DDX50: variants seen among roughly 807,000 people sequenced by gnomAD.
The protein encoded by DDX50 is ATP-dependent RNA helicase DDX50.
Under a neutral mutation model 94.8 loss-of-function variants are expected in DDX50, and 56 were observed. The observed-to-expected ratio is 0.59, with a 90% CI of 0.48 to 0.74. The LOEUF (loss-of-function observed/expected upper bound fraction) is 0.74, where lower values mean the gene tolerates loss of function less well. Ranked by LOEUF, DDX50 falls within the 30% of genes least tolerant of loss-of-function variation. DDX50 has a pLI of 0.00. For synonymous variants in DDX50, 264 were observed against 295.4 expected, an observed-to-expected ratio of 0.89 and a Z score of 1.09; for missense variants, 713 against 881.2, an observed-to-expected ratio of 0.81 and a Z score of 2.42.
intron 8 of DDX50, among the ~76,000 whole-genome samples, chr10:68,933,845 G>A (rs1161793133): frequency 6.6e-6 from 1 of 151,652 alleles, no homozygotes; most frequent in Non-Finnish European, 1.5e-5. Context: ...TGAGGTAGGA[G>A]AATCGCTTGA....
At chr10:68,943,031 C>T (rs771125839) in intron 13 of DDX50, among the ~76,000 whole-genome samples, 182 bp from the exon 14 acceptor site, 30 of 152,142 alleles carry the variant, frequency 2.0e-4, no homozygotes, top group Non-Finnish European at 3.4e-4. Context: ...TACACAAACT[C>T]TTCTAGAGAA....
intron 1 of DDX50, among the ~76,000 whole-genome samples, chr10:68,905,351 TAAAAA>T (rs71031803): frequency 7.1e-6 from 1 of 140,236 alleles, no homozygotes; most frequent in Non-Finnish European, 1.6e-5. Flanking sequence ...ATTTAAAACG[TAAAAA>T]AAAAAAAAAA....
intron 8 of DDX50, among the ~76,000 whole-genome samples, chr10:68,925,866 T>C (rs910638354): frequency 4.0e-5 from 6 of 151,302 alleles, no homozygotes; most frequent in African/African-American, 1.5e-4. Context: ...TACAAAAAAT[T>C]AGCCAGGTGT....
rs1206973845 is a variant in DDX50, at chr10:68,911,122, A to G, written c.515A>G (p.Tyr172Cys). ...CAAGTTAAGACCTTTGGTCCTGTAT[A>G]TGAAGGAAAAGATTTAATAGCTCAA... Reference protein sequence around the residue: ...PIQVKTFGPVYEGKDLIAQAR... With the variant: ...PIQVKTFGPVCEGKDLIAQAR... The change falls in exon 4 of 15, where the codon TAT (tyrosine) becomes TGT (cysteine). Residue 172 changes from tyrosine to cysteine, a missense_variant. Physicochemically the swap from Tyr to Cys is radical, Grantham distance 194 (BLOSUM62 -2). This residue lies in a region of DDX50 where 285 missense variants were observed against 278.9 expected (regional missense o/e 1.02). Coordinates refer to ENST00000373585, the MANE Select transcript of DDX50 (RefSeq NM_024045.2). The G allele has an allele frequency of 3.1e-6, 5 of 1,610,882 alleles. No individual in the cohort carries two copies. The highest frequency in any genetic ancestry group is 3.4e-6 in the Non-Finnish European group (4 of 1,178,726).
chr10:68,918,447 T>A, intron 7 of DDX50, among the ~76,000 whole-genome samples: 1 of 143,824 alleles, frequency 7.0e-6, no homozygotes, highest in African/African-American at 2.6e-5. Context: ...TTTTTTTTTT[T>A]TTTTTTGAGA....
rs1259489462 is a variant in DDX50 at position 68,910,394 on chromosome 10, GGTT to G, written c.460+22_460+24del. On this transcript the variant is annotated intron_variant, in intron 3 of 14. Transcript: ENST00000373585. ...AAAGCTTCTGAAAGGTATGCAGTTTGGTTGTTGTTGTTATTGTTGTTGTTTTGA... is the reference window on the plus strand; with the variant it reads ...AAAGCTTCTGAAAGGTATGCAGTTTGGTTGTTGTTATTGTTGTTGTTTTGA... 13 of 1,585,282 alleles carry G rather than the reference GGTT, an allele frequency of 8.2e-6. No individual in the cohort carries two copies. Among genetic ancestry groups the G allele is most frequent in the Middle Eastern group, 1.9e-4 (1 of 5,278 alleles).
Position 68,911,033 on chromosome 10 carries a change from G to A in DDX50, c.461-35G>A, listed in dbSNP as rs528752548. ...AATATATTTTTTCCTAATGCTAGTC[G>A]TAAAGAAGTATTTTAATTAAATCTC... On this transcript the variant is annotated intron_variant, in intron 3 of 14. Coordinates refer to ENST00000373585, the MANE Select transcript of DDX50 (RefSeq NM_024045.2). 15 of 1,380,662 alleles carry A rather than the reference G, an allele frequency of 1.1e-5. 1 individual carries two copies. Among genetic ancestry groups the A allele is most frequent in the South Asian group, 9.3e-5 (5 of 53,600 alleles). 85.5% of individuals were successfully genotyped at this position (1,380,662 alleles called of 1,614,324 possible).
At chr10:68,922,098 C>T (rs1217318980) in intron 8 of DDX50, among the ~76,000 whole-genome samples, 1 of 152,114 alleles carries the variant, frequency 6.6e-6, no homozygotes. Context: ...TTTAAGGACT[C>T]TTGTTGTGCA....
chr10:68,912,898 A>G (rs1287477461), intron 4 of DDX50, among the ~76,000 whole-genome samples: 1 of 152,198 alleles, frequency 6.6e-6, no homozygotes, highest in Non-Finnish European at 1.5e-5. Flanking sequence ...TAGGTGGTTT[A>G]AGTGCTGAGG....
chr10:68,919,846 G>C lies in DDX50; in HGVS notation c.1104G>C (p.Gln368His). The C allele has an allele frequency of 6.2e-7, 1 of 1,613,528 alleles. No individual in the cohort carries two copies. The highest frequency in any genetic ancestry group is 8.5e-7 in the Non-Finnish European group (1 of 1,179,850). The change falls in exon 8 of 15, where the codon CAG becomes CAC. Residue 368 changes from glutamine to histidine, a missense_variant. By Grantham distance (24) the Gln-to-His change is conservative. Around this residue, in one of 2 missense-constraint regions of DDX50, gnomAD observed 428 missense variants for 602.3 expected, o/e 0.71. Transcript: ENST00000373585. ...AATTVEHLAI[Q>H]CHWSQRPAVI... Reference sequence around the variant, plus strand: ...TTTCTTCAAAGCATTTGGCCATCCAGTGTCATTGGTCTCAGAGGCCAGCAG... The same window carrying C: ...TTTCTTCAAAGCATTTGGCCATCCACTGTCATTGGTCTCAGAGGCCAGCAG...
In DDX50 at chr10:68,943,214, G is replaced by A; in HGVS notation, c.1892G>A (p.Gly631Asp). ...TRMCLLKGNM[G>D]VCFDVPTTES... ...TGTTTTGCTTTGTTTTGCTTTTAGGGTGTTTGCTTTGATGTTCCTACAACT... is the reference window on the plus strand; with the variant it reads ...TGTTTTGCTTTGTTTTGCTTTTAGGATGTTTGCTTTGATGTTCCTACAACT... The change falls in exon 14 of 15, where the codon GGT becomes GAT. Residue 631 changes from glycine to aspartate, a missense_variant and splice_region_variant. Gly to Asp is a moderately conservative substitution (Grantham distance 94). This residue lies in a region of DDX50 where 428 missense variants were observed against 602.3 expected (regional missense o/e 0.71). Transcript: ENST00000373585. 6.2e-7 allele frequency: 1 copy of A among 1,606,848 alleles called. No individual in the cohort carries two copies.
chr10:68,907,701 A>G (rs1841499612), intron 2 of DDX50, among the ~76,000 whole-genome samples: 1 of 151,826 alleles, frequency 6.6e-6, no homozygotes, highest in Non-Finnish European at 1.5e-5. Flanking sequence ...ATCTTTGGGG[A>G]AAAGTGTTGA....
intron 7 of DDX50, among the ~76,000 whole-genome samples, chr10:68,915,560 A>G (rs536960620): frequency 5.2e-4 from 79 of 152,222 alleles, no homozygotes; most frequent in African/African-American, 1.5e-3. Context: ...TATTAAAAAT[A>G]CAAAAACTAG....
chr10:68,901,325 T>C lies in DDX50; in HGVS notation c.-60T>C, dbSNP rs1172139421. 2 of 1,443,532 alleles carry C rather than the reference T, an allele frequency of 1.4e-6. No homozygotes were observed. Among genetic ancestry groups the C allele is most frequent in the African/African-American group, 1.5e-5 (1 of 68,868 alleles). The allele number at this position is 1,443,532 out of a possible 1,614,324, so 89.4% of individuals were successfully genotyped here. ...GCCTTGCCCCCGCTTCCTTTCACGC[T>C]GTCGCTGCCCGTAGGTGGTTGTGGC... On this transcript the variant is annotated 5_prime_UTR_variant, in exon 1 of 15. Coordinates refer to ENST00000373585, the MANE Select transcript of DDX50 (RefSeq NM_024045.2).
intron 7 of DDX50, among the ~76,000 whole-genome samples, chr10:68,914,824 C>T (rs1041897873): frequency 1.3e-5 from 2 of 150,856 alleles, no homozygotes; most frequent in Non-Finnish European, 1.5e-5. Flanking sequence ...GAGTGTGAGA[C>T]CAGCCTGGCC....
intron 8 of DDX50, among the ~76,000 whole-genome samples, chr10:68,933,636 A>T (rs1263613510): frequency 2.0e-5 from 3 of 151,262 alleles, no homozygotes; most frequent in Non-Finnish European, 4.4e-5. Flanking sequence ...GTATGTGTGT[A>T]TTAAAAAAAA....
At chr10:68,911,373 T>C (rs949657862) in intron 4 of DDX50, 127 bp downstream of exon 4, 5 of 1,058,364 alleles carry the variant, frequency 4.7e-6, no homozygotes, top group African/African-American at 3.2e-5. Context: ...AACAAAAATA[T>C]GTTGTTTTTC....
chr10:68,924,692 T>C (rs1348941216), intron 8 of DDX50, among the ~76,000 whole-genome samples: 8 of 152,192 alleles, frequency 5.3e-5, no homozygotes, highest in Non-Finnish European at 1.2e-4. Context: ...TACTTTCTAG[T>C]TCTAGCTGTG....
Position 68,906,874 on chromosome 10 carries a change from A to AATTTCAGATG in DDX50, c.254_255insTCAGATGATT (p.Ser86GlnfsTer8). 1 of 1,612,268 alleles carries AATTTCAGATG rather than the reference A, an allele frequency of 6.2e-7. No homozygotes were observed. The highest frequency in any genetic ancestry group is 8.5e-7 in the Non-Finnish European group (1 of 1,179,664). On this transcript the variant is annotated frameshift_variant, in exon 2 of 15. Coordinates refer to ENST00000373585, the MANE Select transcript of DDX50 (RefSeq NM_024045.2). LOFTEE classifies it high-confidence loss of function. ...GAAGGATTTAATAGACTTTCAGATGAATTCTCCAAATCTCATAAGTCAAGA... is the reference window on the plus strand; with the variant it reads ...GAAGGATTTAATAGACTTTCAGATGAATTTCAGATGATTCTCCAAATCTCATAAGTCAAGA...
Sources: gnomAD v4.1 joint callset for allele counts (sites outside exome capture counted in the v4.1 genomes callset) on GRCh38, gnomAD v4.1.1 for gene constraint, gnomAD v4.1.1 regional missense constraint, MANE v1.5 for transcripts, NCBI Gene and HGNC (gene_info 2026-07-23, HGNC 2026-07-21) for gene names.